Variants in ITGAV observed in about 807,000 individuals in gnomAD.
ITGAV encodes the protein integrin subunit alpha V.
ITGAV carries 76 observed loss-of-function variants against 143.8 expected under a neutral mutation model. That is an observed-to-expected ratio of 0.53 (90% CI 0.44 to 0.64). The LOEUF (loss-of-function observed/expected upper bound fraction) is 0.64. Ranked by LOEUF, ITGAV falls within the 30% of genes least tolerant of loss-of-function variation. The pLI is 0.00. For synonymous variants in ITGAV, 453 were observed against 446.7 expected (o/e 1.01, Z -0.18); for missense variants, 1,193 against 1,274.7 (o/e 0.94, Z 0.98).
At chr2:186,639,070 T>G (rs557386393) in intron 10 of ITGAV, among the ~76,000 whole-genome samples, 3 of 152,248 alleles carry the variant, frequency 2.0e-5, no homozygotes, top group Admixed American at 2.0e-4. Context: ...CAGATATGTG[T>G]ATTATAGATA....
chr2:186,647,945 G>A (rs1279356132), intron 13 of ITGAV, among the ~76,000 whole-genome samples: 1 of 152,082 alleles, frequency 6.6e-6, no homozygotes, highest in African/African-American at 2.4e-5. Context: ...CAATATATTT[G>A]TTATAGAACT....
chr2:186,592,682 T>A (rs1250816995), intron 1 of ITGAV, among the ~76,000 whole-genome samples: 1 of 152,104 alleles, frequency 6.6e-6, no homozygotes, highest in Non-Finnish European at 1.5e-5. Context: ...TTATAATCAA[T>A]GAATGTGTTA....
chr2:186,664,520 A>G lies in ITGAV; in HGVS notation c.1952A>G (p.Asp651Gly). 6.2e-7 allele frequency: 1 copy of G among 1,613,964 alleles called. No homozygotes were observed. The highest frequency in any genetic ancestry group is 8.5e-7 in the Non-Finnish European group (1 of 1,179,888). The change falls in exon 20 of 30, where the codon GAT becomes GGT. Residue 651 changes from aspartate (D) to glycine (G), a missense_variant. Asp to Gly is a moderately conservative substitution (Grantham distance 94). Transcript: ENST00000261023. ...GATCAAAAGAAGATCTATATTGGGG[A>G]TGACAACCCTCTGACATTGATTGTT... ...DSDQKKIYIG[D>G]DNPLTLIVKA...
intron 2 of ITGAV, among the ~76,000 whole-genome samples, chr2:186,610,430 A>C (rs1228310091): frequency 6.6e-6 from 1 of 152,154 alleles, no homozygotes; most frequent in Non-Finnish European, 1.5e-5. Flanking sequence ...TTTTTCCCCC[A>C]GATTTGCCTG....
rs1468132875 is a variant in ITGAV at position 186,679,858 on chromosome 2, C to T, written c.*2566C>T. ...CAATTAGTCAAAATATTATTGCCAT[C>T]ATTCTACCTGTGTTATGAAACTACT... On this transcript the variant is annotated 3_prime_UTR_variant, in exon 30 of 30. Transcript: ENST00000261023. The T allele has an allele frequency of 2.0e-5, 3 of 152,010 alleles. No homozygotes were observed. The highest frequency in any genetic ancestry group is 2.9e-5 in the Non-Finnish European group (2 of 67,886). 9.4% of individuals were successfully genotyped at this position (152,010 alleles called of 1,614,324 possible). A position where few individuals can be genotyped will look rare whatever the true frequency, so the allele number is the denominator to read the frequency against.
intron 26 of ITGAV, among the ~76,000 whole-genome samples, chr2:186,670,835 T>A (rs1689043474): frequency 6.6e-6 from 1 of 152,212 alleles, no homozygotes; most frequent in Admixed American, 6.6e-5. Context: ...GAAACTGCTT[T>A]TAAATATCTA....
In ITGAV at chr2:186,646,670, CT is replaced by C. The variant is rs762864809; in HGVS notation, c.1160-9del. ...TTCTGTCATTCTCCTTCCCCCTCCTCTTTTTTTCCCCACAGATATTGCAATT... is the reference window on the plus strand; with the variant it reads ...TTCTGTCATTCTCCTTCCCCCTCCTCTTTTTTCCCCACAGATATTGCAATT... On this transcript the variant is annotated splice_polypyrimidine_tract_variant and intron_variant, in intron 12 of 29. Transcript: ENST00000261023. 16 of 1,552,942 alleles carry C rather than the reference CT, an allele frequency of 1.0e-5. No homozygotes were observed. The highest frequency in any genetic ancestry group is 6.9e-5 in the East Asian group (3 of 43,322).
rs1306217307 is a variant in ITGAV at position 186,664,399 on chromosome 2, C to T, written c.1926-95C>T. On this transcript the variant is annotated intron_variant, in intron 19 of 29. Transcript: ENST00000261023. ...TACCTTGAGACACTGTTGAACATGT[C>T]AGTGCTGTGTATTTATCTCTTCTTT... The T allele has an allele frequency of 4.2e-6, 5 of 1,180,138 alleles. No individual in the cohort carries two copies. In the East Asian group the frequency reaches 9.4e-5, roughly 22 times the overall value. 73.1% of individuals were successfully genotyped at this position (1,180,138 alleles called of 1,614,324 possible). A position where few individuals can be genotyped will look rare whatever the true frequency, so the allele number is the denominator to read the frequency against.
chr2:186,675,036 G>T (rs1270087889), intron 26 of ITGAV, among the ~76,000 whole-genome samples: 3 of 152,170 alleles, frequency 2.0e-5, no homozygotes, highest in Non-Finnish European at 4.4e-5. Context: ...GTCATGAGGT[G>T]TATATATGTG....
In ITGAV at chr2:186,612,975, T is replaced by C. The variant is rs548497870; in HGVS notation, c.317-9364T>C. Among the ~76,000 whole-genome samples the C allele has an allele frequency of 1.8e-4, 28 of 152,250 alleles. No individual in the cohort carries two copies. In the South Asian group the frequency reaches 2.5e-3, roughly 14 times the overall value. ...AGAGCTGGTAAGCAATTTAGAAATC[T>C]TTTAGTCTAATTCCTTTACTACTAA... On this transcript the variant is annotated intron_variant, in intron 2 of 29. Transcript: ENST00000261023.
intron 6 of ITGAV, among the ~76,000 whole-genome samples, 175 bp downstream of exon 6, chr2:186,633,549 A>G (rs1241686507): frequency 2.0e-5 from 3 of 150,742 alleles, no homozygotes; most frequent in Non-Finnish European, 4.4e-5. Flanking sequence ...TATAATATAT[A>G]TTAAATATGT....
At chr2:186,606,874 G>A (rs1052865032) in intron 2 of ITGAV, among the ~76,000 whole-genome samples, 43 of 152,110 alleles carry the variant, frequency 2.8e-4, no homozygotes, top group African/African-American at 1.0e-3. Context: ...CAGCTTCAGG[G>A]GATGCTTATG....
At chr2:186,669,229 C>G (rs1195060035) in intron 25 of ITGAV, among the ~76,000 whole-genome samples, 2 of 152,148 alleles carry the variant, frequency 1.3e-5, no homozygotes, top group Admixed American at 1.3e-4. Context: ...AATATCACAT[C>G]AAGGGTGTTT....
intron 26 of ITGAV, among the ~76,000 whole-genome samples, chr2:186,671,601 ATC>A (rs1689063772): frequency 6.6e-6 from 1 of 152,190 alleles, no homozygotes; most frequent in African/African-American, 2.4e-5. Flanking sequence ...CTCCTTCAGA[ATC>A]TGTTTTCTTT....
intron 8 of ITGAV, 82 bp downstream of exon 8, chr2:186,637,191 A>G (rs1480059184): frequency 8.5e-6 from 10 of 1,182,452 alleles, no homozygotes; most frequent in African/African-American, 3.0e-5. Flanking sequence ...AATTTTAAGC[A>G]GTTTGAGTGG....
At chr2:186,606,422 T>A (rs1285554644) in intron 2 of ITGAV, among the ~76,000 whole-genome samples, 1 of 152,200 alleles carries the variant, frequency 6.6e-6, no homozygotes, top group East Asian at 1.9e-4. Flanking sequence ...TGGGTGTGGA[T>A]TACATCGCAT....
At chr2:186,610,893 G>T (rs1687197499) in intron 2 of ITGAV, among the ~76,000 whole-genome samples, 1 of 152,194 alleles carries the variant, frequency 6.6e-6, no homozygotes, top group Admixed American at 6.5e-5. Flanking sequence ...GACTGCTCAT[G>T]TAGTCTGTTA....
chr2:186,593,523 T>A (rs1467811813), intron 1 of ITGAV, among the ~76,000 whole-genome samples: 2 of 152,180 alleles, frequency 1.3e-5, no homozygotes, highest in African/African-American at 4.8e-5. Context: ...ATTTAAAGAT[T>A]GTATGCAGGC....
intron 1 of ITGAV, among the ~76,000 whole-genome samples, chr2:186,591,756 G>A (rs1475972572): frequency 1.3e-5 from 2 of 152,144 alleles, no homozygotes; most frequent in Non-Finnish European, 2.9e-5. Flanking sequence ...ACATAGATTA[G>A]ATGCAGTTAA....
Sources: allele counts gnomAD v4.1 joint callset (sites outside exome capture counted in the v4.1 genomes callset), GRCh38; gene constraint gnomAD v4.1.1; transcripts MANE v1.5; gene names NCBI Gene and HGNC (gene_info 2026-07-23, HGNC 2026-07-21).